IL1R1: variants seen among roughly 807,000 people sequenced by gnomAD.
The protein encoded by IL1R1 is interleukin-1 receptor type 1.
A neutral mutation model predicts 50.2 loss-of-function variants in IL1R1; 22 were observed. The ratio of observed to expected loss-of-function variants is 0.44; its 90% CI spans 0.31 to 0.63. IL1R1 has a LOEUF of 0.63. Among genes scored for constraint, IL1R1 ranks in the 20% least tolerant of loss-of-function variants. The pLI is 0.07. For synonymous variants in IL1R1, 251 were observed against 236.7 expected, an observed-to-expected ratio of 1.06 and a Z score of -0.55; for missense variants, 509 against 676.2, an observed-to-expected ratio of 0.75 and a Z score of 2.74.
upstream of IL1R1, among the ~76,000 whole-genome samples, chr2:102,140,515 T>C (rs1682585608): frequency 6.6e-6 from 1 of 152,202 alleles, no homozygotes; most frequent in African/African-American, 2.4e-5. Flanking sequence ...CTGTTTCTTG[T>C]AAGTTTTTGT....
intron 1 of IL1R1, among the ~76,000 whole-genome samples, chr2:102,126,829 G>C (rs1681738215): frequency 6.6e-6 from 1 of 152,210 alleles, no homozygotes; most frequent in East Asian, 1.9e-4. Flanking sequence ...GGGAACCACG[G>C]ATTCAAGCCA....
chr2:102,138,962 G>A (rs774350140), upstream of IL1R1, among the ~76,000 whole-genome samples: 1 of 152,166 alleles, frequency 6.6e-6, no homozygotes, highest in South Asian at 2.1e-4. Flanking sequence ...ATTTAGAGTT[G>A]TTTTGTCCCC....
intron 1 of IL1R1, among the ~76,000 whole-genome samples, chr2:102,097,924 T>A (rs1426288768): frequency 6.6e-6 from 1 of 152,076 alleles, no homozygotes; most frequent in Non-Finnish European, 1.5e-5. Flanking sequence ...ATATATTATA[T>A]GAAGCTGGAA....
chr2:102,144,553 T>A (rs1295716975), intron 1 of IL1R1, among the ~76,000 whole-genome samples: 1 of 152,212 alleles, frequency 6.6e-6, no homozygotes, highest in Non-Finnish European at 1.5e-5. Context: ...ATTCACTAAT[T>A]TATTAAAGAT....
At chr2:102,098,322 T>C (rs768647929) in intron 1 of IL1R1, among the ~76,000 whole-genome samples, 1 of 152,174 alleles carries the variant, frequency 6.6e-6, no homozygotes, top group Non-Finnish European at 1.5e-5. Context: ...ACTGGTTCTC[T>C]TTAAATCAGG....
At chr2:102,136,078 G>A (rs1682324525) in intron 1 of IL1R1, among the ~76,000 whole-genome samples, 1 of 152,102 alleles carries the variant, frequency 6.6e-6, no homozygotes, top group African/African-American at 2.4e-5. Context: ...GAATTCACTT[G>A]ATAGGCTTCT....
intron 1 of IL1R1, among the ~76,000 whole-genome samples, chr2:102,136,995 A>G (rs1464972833): frequency 6.6e-6 from 1 of 152,234 alleles, no homozygotes; most frequent in African/African-American, 2.4e-5. Context: ...TCAAAAGTAC[A>G]TAGTTATAGC....
chr2:102,116,565 T>C (rs1484537404), intron 1 of IL1R1, among the ~76,000 whole-genome samples: 2 of 152,232 alleles, frequency 1.3e-5, no homozygotes, highest in African/African-American at 4.8e-5. Context: ...AGTTCATAAG[T>C]GCTGTTGGTG....
At chr2:102,151,061 A>G (rs969841528) in intron 1 of IL1R1, among the ~76,000 whole-genome samples, 1 of 152,246 alleles carries the variant, frequency 6.6e-6, no homozygotes, top group African/African-American at 2.4e-5. Context: ...TAAGTCATTT[A>G]AAAGAATTAC....
chr2:102,106,092 A>C (rs556748051), intron 1 of IL1R1, among the ~76,000 whole-genome samples: 38 of 152,314 alleles, frequency 2.5e-4, no homozygotes, highest in Admixed American at 1.7e-3. Flanking sequence ...GCTCATGCAA[A>C]ATGTGAATTT....
intron 6 of IL1R1, among the ~76,000 whole-genome samples, chr2:102,167,881 T>C (rs1299139728): frequency 6.6e-6 from 1 of 152,202 alleles, no homozygotes; most frequent in African/African-American, 2.4e-5. Flanking sequence ...GCACTTTTTG[T>C]TCACTCAAGG....
chr2:102,121,209 G>T (rs138083471), intron 1 of IL1R1, among the ~76,000 whole-genome samples: 141 of 152,270 alleles, frequency 9.3e-4, no homozygotes, highest in African/African-American at 3.1e-3. Context: ...ACCCGGTGCT[G>T]ACCACCATGG....
chr2:102,143,128 G>C (rs1682819257), intron 1 of IL1R1, 108 bp downstream of exon 1: 1 of 152,498 alleles, frequency 6.6e-6, no homozygotes, highest in African/African-American at 2.4e-5. Flanking sequence ...TCCTCCCTAA[G>C]TTGCACTTGG....
chr2:102,095,980 C>T lies in IL1R1; in HGVS notation c.-84+25447C>T, dbSNP rs181722977. On this transcript the variant is annotated intron_variant, in intron 1 of 11. Transcript: ENST00000409929. ...ATCGTGCCACTGCACTCCAGCCTGG[C>T]GATATAGCCAGACTCTGTCTCAAAA... 2.6e-4 allele frequency among the ~76,000 whole-genome samples: 39 copies of T among 151,892 alleles called. No individual in the cohort carries two copies. In the East Asian group the frequency reaches 6.8e-3, roughly 26 times the overall value.
rs545363220 is a variant in IL1R1 at position 102,131,127 on chromosome 2, C to T, written c.-83-22814C>T. 9.9e-5 allele frequency among the ~76,000 whole-genome samples: 15 copies of T among 152,210 alleles called. No homozygotes were observed. The South Asian group carries it at 1.5e-3, about 15-fold the overall frequency. ...TCTCACCAGCCAGACTGGAAAGTCT[C>T]GTAATTCATAGGGATTTGTTAGAGG... is the stretch of plus-strand genomic sequence containing the variant. On this transcript the variant is annotated intron_variant, in intron 1 of 10. Coordinates refer to the IL1R1 transcript ENST00000409329.
chr2:102,154,794 A>G (rs1303368045), intron 2 of IL1R1, among the ~76,000 whole-genome samples: 1 of 152,258 alleles, frequency 6.6e-6, no homozygotes, highest in Non-Finnish European at 1.5e-5. Flanking sequence ...TGCAAATGAC[A>G]GTCCCATTTC....
chr2:102,077,692 C>A (rs189928611), intron 1 of IL1R1, among the ~76,000 whole-genome samples: 1 of 152,088 alleles, frequency 6.6e-6, no homozygotes, highest in Non-Finnish European at 1.5e-5. Flanking sequence ...TTTATTGGAT[C>A]GTAGGCATTG....
chr2:102,103,088 C>T (rs537588004), upstream of IL1R1, among the ~76,000 whole-genome samples: 3 of 152,062 alleles, frequency 2.0e-5, no homozygotes, highest in Non-Finnish European at 2.9e-5. Context: ...TAGACCAAGC[C>T]GCCTGAATAC....
rs191364732 is a variant in IL1R1, at chr2:102,111,596, G to A, written c.-84+6724G>A. Among the ~76,000 whole-genome samples the A allele has an allele frequency of 1.6e-3, 239 of 152,256 alleles. 1 individual carries two copies. The highest frequency in any genetic ancestry group is 5.5e-3 in the African/African-American group (230 of 41,530). On this transcript the variant is annotated intron_variant, in intron 1 of 10. Transcript: ENST00000409329. ...GATGAGAGGAAGAAGGAGTGGAAGGGGAAATAGAAAGATGAAGAAAATTCA... is the reference window on the plus strand; with the variant it reads ...GATGAGAGGAAGAAGGAGTGGAAGGAGAAATAGAAAGATGAAGAAAATTCA...
Sources: gnomAD v4.1 joint callset for allele counts (sites outside exome capture counted in the v4.1 genomes callset) on GRCh38, gnomAD v4.1.1 for gene constraint, MANE v1.5 for transcripts, NCBI Gene and HGNC (gene_info 2026-07-23, HGNC 2026-07-21) for gene names.